Variants in MMGT1 observed in about 807,000 individuals in gnomAD.
The protein encoded by MMGT1 is ER membrane protein complex subunit 5.
Under a neutral mutation model 11.7 loss-of-function variants are expected in MMGT1, and 2 were observed. The ratio of observed to expected loss-of-function variants is 0.17; its 90% confidence interval spans 0.07 to 0.54. The LOEUF is 0.54. Among genes scored for constraint, MMGT1 ranks in the 20% least tolerant of loss-of-function variants. The probability of loss-of-function intolerance (pLI) is 0.94; values close to 1 mark genes in which losing one functional copy is unlikely to be tolerated. For missense variants in MMGT1, 74 were observed against 109.0 expected (o/e 0.68, Z 1.43); for synonymous variants, 49 against 44.4 (o/e 1.10, Z -0.41).
In MMGT1 at chrX:135,964,081, T is replaced by C. The variant is rs1406105144; in HGVS notation, c.*943A>G. 3 of 112,689 alleles carry C rather than the reference T, an allele frequency of 2.7e-5. No homozygotes were observed. Among genetic ancestry groups the C allele is most frequent in the African/African-American group, 9.7e-5 (3 of 31,054 alleles). 9.3% of individuals were successfully genotyped at this position (112,689 alleles called of 1,213,427 possible). A position where few individuals can be genotyped will look rare whatever the true frequency, so the allele number is the denominator to read the frequency against. On this transcript the variant is annotated 3_prime_UTR_variant, in exon 4 of 4. Transcript: ENST00000305963. ...ATTAGTTCCAAATACTGAGAATATA[T>C]TTGGCCCAATTCCTTTGAACTCTGT...
chrX:135,963,231 C>T lies in MMGT1; in HGVS notation c.*1793G>A, dbSNP rs782750881. On this transcript the variant is annotated 3_prime_UTR_variant, in exon 4 of 4. Transcript: ENST00000305963. ...AAAATTGACTGTGGTCACGGTTACA[C>T]AACTTTGTGAATACACTAAAAACCA... 74 of 111,361 alleles carry T rather than the reference C, an allele frequency of 6.6e-4. No homozygotes were observed. Among genetic ancestry groups the T allele is most frequent in the African/African-American group, 2.2e-3 (68 of 30,673 alleles). 9.2% of individuals were successfully genotyped at this position (111,361 alleles called of 1,213,427 possible). A position where few individuals can be genotyped will look rare whatever the true frequency, so the allele number is the denominator to read the frequency against.
intron 2 of MMGT1, among the ~76,000 whole-genome samples, chrX:135,968,964 T>G (rs1429599053): frequency 8.9e-6 from 1 of 112,191 alleles, no homozygotes; most frequent in Non-Finnish European, 1.9e-5. Flanking sequence ...GTCGCCCAGT[T>G]CACACATGGA....
At chrX:135,969,721 TTAAG>T (rs1223396148) in intron 2 of MMGT1, among the ~76,000 whole-genome samples, 2 of 112,389 alleles carry the variant, frequency 1.8e-5, no homozygotes, top group East Asian at 2.8e-4. Flanking sequence ...ACTGAAGTTG[TTAAG>T]TAATAAAAAA....
Position 135,961,227 on chromosome X carries a change from T to C in MMGT1, c.*3797A>G, listed in dbSNP as rs782544241. On this transcript the variant is annotated 3_prime_UTR_variant, in exon 4 of 4. Coordinates refer to ENST00000305963, the MANE Select transcript of MMGT1 (RefSeq NM_173470.3). Reference sequence around the variant, plus strand: ...GAACATTTGTAACACATTCAAACATTAGAATACCACACAGCCGCTAAAAAT... The same window carrying C: ...GAACATTTGTAACACATTCAAACATCAGAATACCACACAGCCGCTAAAAAT... 4.8e-3 allele frequency among the ~76,000 whole-genome samples: 540 copies of C among 111,676 alleles called. 6 individuals carry two copies. The highest frequency in any genetic ancestry group is 0.017 in the African/African-American group (513 of 30,786).
chrX:135,973,476 A>G, intron 1 of MMGT1, 121 bp downstream of exon 1: 1 of 585,006 alleles, frequency 1.7e-6, no homozygotes, highest in Non-Finnish European at 2.7e-6. Flanking sequence ...TAGTCACCCC[A>G]AACTGTAAGG....
Position 135,965,144 on chromosome X carries a change from T to C in MMGT1, c.276A>G (p.Val92=). 8.3e-7 allele frequency: 1 copy of C among 1,208,560 alleles called. No individual in the cohort carries two copies. Among genetic ancestry groups the C allele is most frequent in the Non-Finnish European group, 1.1e-6 (1 of 892,955 alleles). The change falls in exon 4 of 4, where the codon GTA becomes GTG. Residue 92 remains valine, a synonymous_variant. Transcript: ENST00000305963. ...AAAGTACTCGACCACGATGATTAAA[T>C]ACATAAAAGGATGGGTGATTCCTTA... The part of the protein sequence containing the change: ...DTLRNHPSFY[V]FNHRGRVLFR...
chrX:135,962,169 T>A lies in MMGT1; in HGVS notation c.*2855A>T, dbSNP rs1040062353. On this transcript the variant is annotated 3_prime_UTR_variant, in exon 4 of 4. Transcript: ENST00000305963. ...CGTGTTTAGTTTGGTGTTACAGGCA[T>A]TGATGCTCACAACAAACAACATTAT... The A allele has an allele frequency of 9.0e-6, 1 of 111,660 alleles. No individual in the cohort carries two copies. The highest frequency in any genetic ancestry group is 1.9e-5 in the Non-Finnish European group (1 of 53,135). 9.2% of individuals were successfully genotyped at this position (111,660 alleles called of 1,213,427 possible).
rs189309079 is a variant in MMGT1, at chrX:135,964,910, G to A, written c.*114C>T. 4 of 602,759 alleles carry A rather than the reference G, an allele frequency of 6.6e-6. No homozygotes were observed. In the Admixed American group the frequency reaches 1.3e-4, roughly 20 times the overall value. 49.7% of individuals were successfully genotyped at this position (602,759 alleles called of 1,213,427 possible). ...AAGGGCCATGGTTTTTTTTACTAAA[G>A]TAGGTCTGAAAGATCAATATAAATA... is the stretch of plus-strand genomic sequence containing the variant. On this transcript the variant is annotated 3_prime_UTR_variant, in exon 4 of 4. Transcript: ENST00000305963.
intron 1 of MMGT1, among the ~76,000 whole-genome samples, chrX:135,972,725 G>C (rs1431933587): frequency 8.9e-6 from 1 of 111,826 alleles, no homozygotes; most frequent in Admixed American, 9.5e-5. Context: ...ATCACCCTGG[G>C]ATCTTATTAA....
chrX:135,966,452 G>A (rs1223848369), intron 3 of MMGT1, among the ~76,000 whole-genome samples: 2 of 111,516 alleles, frequency 1.8e-5, no homozygotes, highest in African/African-American at 6.5e-5. Context: ...AAATTAGCCG[G>A]GCATGGCGGC....
chrX:135,971,073 T>C lies in MMGT1; in HGVS notation c.117A>G (p.Glu39=). 2 of 1,181,463 alleles carry C rather than the reference T, an allele frequency of 1.7e-6. No homozygotes were observed. Among genetic ancestry groups the C allele is most frequent in the Non-Finnish European group, 2.3e-6 (2 of 869,381 alleles). ...ACCAACTTACATCTATTGGCAGTGA[T>C]TCATCTTCTTTTTCTGTTAATCGCA... ...SYMRLTEKED[E]SLPIDIVLQT... is the part of the protein sequence containing the mutation. Residue 39 remains glutamate (E), a synonymous_variant, in exon 2 of 4, where the codon GAA becomes GAG. Transcript: ENST00000305963.
At chrX:135,970,595 G>C (rs1392632483) in intron 2 of MMGT1, among the ~76,000 whole-genome samples, 9 of 111,735 alleles carry the variant, frequency 8.1e-5, no homozygotes, top group Non-Finnish European at 1.3e-4. Flanking sequence ...CCAAATCTTT[G>C]AGCTTTATGA....
chrX:135,972,013 T>C (rs1464195761), intron 1 of MMGT1, among the ~76,000 whole-genome samples: 1 of 112,148 alleles, frequency 8.9e-6, no homozygotes, highest in Non-Finnish European at 1.9e-5. Context: ...ATGAGAATAA[T>C]GTGAGGTGAG....
Position 135,964,300 on chromosome X carries a change from G to A in MMGT1, c.*724C>T, listed in dbSNP as rs1451006405. The A allele has an allele frequency of 1.8e-5, 2 of 112,907 alleles. No individual in the cohort carries two copies. Among genetic ancestry groups the A allele is most frequent in the African/African-American group, 6.4e-5 (2 of 31,072 alleles). The allele number at this position is 112,907 out of a possible 1,213,427, so 9.3% of individuals were successfully genotyped here. ...TTCTTACACTATATAATCAATTAGG[G>A]AAATTTTTACAGACAAATGAAGAGA... On this transcript the variant is annotated 3_prime_UTR_variant, in exon 4 of 4. Coordinates refer to ENST00000305963, the MANE Select transcript of MMGT1 (RefSeq NM_173470.3).
chrX:135,970,115 A>G (rs1353129507), intron 2 of MMGT1, among the ~76,000 whole-genome samples: 5 of 111,966 alleles, frequency 4.5e-5, no homozygotes, highest in Non-Finnish European at 7.5e-5. Context: ...CTGTAATCCC[A>G]GCACTTTGGG....
chrX:135,970,404 A>G (rs2089211164), intron 2 of MMGT1, among the ~76,000 whole-genome samples: 1 of 112,035 alleles, frequency 8.9e-6, no homozygotes, highest in South Asian at 3.7e-4. Flanking sequence ...CTTTCATTTT[A>G]CCACCTATGT....
At position 135,961,031 on chromosome X, in the gene MMGT1, T is replaced by C. The variant is rs2089151638; in HGVS notation, c.*3993A>G. Among the ~76,000 whole-genome samples the C allele has an allele frequency of 1.8e-5, 2 of 111,950 alleles. No homozygotes were observed. Among genetic ancestry groups the C allele is most frequent in the African/African-American group, 6.5e-5 (2 of 30,832 alleles). Reference sequence around the variant, plus strand: ...TATGTGGAAGCATACTGGGCAAAGATTTCTAGAGGACAATTTGGCAGTAAC... The same window carrying C: ...TATGTGGAAGCATACTGGGCAAAGACTTCTAGAGGACAATTTGGCAGTAAC... On this transcript the variant is annotated 3_prime_UTR_variant, in exon 4 of 4. Transcript: ENST00000305963.
intron 2 of MMGT1, among the ~76,000 whole-genome samples, chrX:135,968,538 T>TGTGTG (rs1556612227): frequency 4.7e-5 from 5 of 106,412 alleles, no homozygotes; most frequent in South Asian, 4.2e-4. Context: ...TGTGTGTGTG[T>TGTGTG]TTTCTTTTTT....
chrX:135,973,883 C>A lies in MMGT1; in HGVS notation c.-208G>T. 1 of 1,153,291 alleles carries A rather than the reference C, an allele frequency of 8.7e-7. No individual in the cohort carries two copies. The highest frequency in any genetic ancestry group is 3.3e-5 in the East Asian group (1 of 29,912). On this transcript the variant is annotated 5_prime_UTR_variant, in exon 1 of 4. Coordinates refer to ENST00000305963, the MANE Select transcript of MMGT1 (RefSeq NM_173470.3). ...GCAGAAAGCTACACGGAAAAAGGTC[C>A]GCGAGAACCCACGAACCTGCGCTAT...
Sources: allele counts gnomAD v4.1 joint callset (sites outside exome capture counted in the v4.1 genomes callset), GRCh38; gene constraint gnomAD v4.1.1; transcripts MANE v1.5; gene names NCBI Gene and HGNC (gene_info 2026-07-23, HGNC 2026-07-21).